The following UNC5B variants were observed in gnomAD, a reference collection of about 807,000 sequenced individuals.
UNC5B encodes the protein netrin receptor UNC5B.
Under a neutral mutation model 103.7 loss-of-function variants are expected in UNC5B, and 56 were observed. The ratio of observed to expected loss-of-function variants is 0.54; its 90% CI spans 0.44 to 0.67. The LOEUF is 0.67. Ranked by LOEUF, UNC5B falls within the 30% of genes least tolerant of loss-of-function variation. UNC5B has a pLI of 0.00. For synonymous variants in UNC5B, 577 were observed against 542.0 expected, an observed-to-expected ratio of 1.06 and a Z score of -0.90; for missense variants, 1,194 against 1,284.5, an observed-to-expected ratio of 0.93 and a Z score of 1.08.
chr10:71,283,257 CT>C, intron 2 of UNC5B, among the ~76,000 whole-genome samples: 1 of 152,344 alleles, frequency 6.6e-6, no homozygotes, highest in South Asian at 2.1e-4. Context: ...GCCTCAGTTT[CT>C]TCAAAGGTAA....
chr10:71,282,315 CAA>C (rs1251122584), intron 2 of UNC5B, among the ~76,000 whole-genome samples: 4 of 152,324 alleles, frequency 2.6e-5, no homozygotes, highest in Admixed American at 2.6e-4. Flanking sequence ...GCAGGCAGCC[CAA>C]CCCTGGGTGT....
intron 1 of UNC5B, among the ~76,000 whole-genome samples, chr10:71,252,698 G>A (rs917974953): frequency 4.6e-5 from 7 of 152,216 alleles, no homozygotes; most frequent in African/African-American, 1.4e-4. Context: ...ACTCAGAGAG[G>A]TGAAGTGATT....
chr10:71,284,054 G>C (rs79599098), intron 2 of UNC5B, among the ~76,000 whole-genome samples: 2 of 152,166 alleles, frequency 1.3e-5, no homozygotes, highest in Non-Finnish European at 2.9e-5. Flanking sequence ...CCAGCTAATG[G>C]TGGGTGCTGG....
chr10:71,281,018 T>C (rs1844912488), intron 2 of UNC5B, among the ~76,000 whole-genome samples: 1 of 152,196 alleles, frequency 6.6e-6, no homozygotes, highest in Non-Finnish European at 1.5e-5. Context: ...TCTCTCTCTT[T>C]TCCCTATGTG....
In UNC5B at chr10:71,272,284, G is replaced by C. The variant is rs981961579; in HGVS notation, c.80-7537G>C. Among the ~76,000 whole-genome samples the C allele has an allele frequency of 8.5e-5, 13 of 152,156 alleles. No homozygotes were observed. In the East Asian group the frequency reaches 2.5e-3, roughly 29 times the overall value. ...GGGCGTTTCTCTGTCCTCACCTCCC[G>C]CCTGACTCCTCCCCTCCCTGTCCTG... On this transcript the variant is annotated intron_variant, in intron 1 of 16. Transcript: ENST00000335350.
At chr10:71,279,521 C>T (rs891555132) in intron 1 of UNC5B, among the ~76,000 whole-genome samples, 9 of 152,198 alleles carry the variant, frequency 5.9e-5, no homozygotes, top group African/African-American at 2.2e-4. Flanking sequence ...CAGATCGCCT[C>T]CCCTCCCGGG....
chr10:71,288,637 G>A lies in UNC5B; in HGVS notation c.971G>A (p.Arg324His), dbSNP rs770434031. The change falls in exon 7 of 17, where the codon CGC (arginine) becomes CAC (histidine). Residue 324 changes from arginine (R) to histidine (H), a missense_variant. Coordinates refer to ENST00000335350, the MANE Select transcript of UNC5B (RefSeq NM_170744.5). ...ACTGAGTGTGCCCACTGGCGTAGCC[G>A]CGAGTGCATGGCGCCCCCACCCCAG... ...CSTECAHWRS[R>H]ECMAPPPQNG... 40 of 1,613,860 alleles carry A rather than the reference G, an allele frequency of 2.5e-5. No homozygotes were observed. Among genetic ancestry groups the A allele is most frequent in the Admixed American group, 2.0e-4 (12 of 60,008 alleles).
At chr10:71,297,115 G>A (rs1845461545) in intron 15 of UNC5B, among the ~76,000 whole-genome samples, 2 of 152,110 alleles carry the variant, frequency 1.3e-5, no homozygotes, top group Admixed American at 6.6e-5. Context: ...TACCTCTAGG[G>A]TTTGGGGCTG....
In UNC5B at chr10:71,213,119, C is replaced by T. The variant is rs1295955384; in HGVS notation, c.79+55C>T. 3 of 1,222,128 alleles carry T rather than the reference C, an allele frequency of 2.5e-6. No homozygotes were observed. In the East Asian group the frequency reaches 9.2e-5, roughly 38 times the overall value. 75.7% of individuals were successfully genotyped at this position (1,222,128 alleles called of 1,614,324 possible). On this transcript the variant is annotated intron_variant, in intron 1 of 16. Transcript: ENST00000335350. The surrounding 1 kb of genome is among the most constrained non-coding windows in gnomAD (Gnocchi z 4.1). ...GGCTAGGGGACCCTTGCGCCTCACT[C>T]TGTCCTGAAGTTGAGGTGGTCTTTC...
intron 13 of UNC5B, 98 bp from the exon 14 acceptor site, chr10:71,295,713 C>T (rs1194718877): frequency 1.4e-6 from 2 of 1,463,222 alleles, no homozygotes; most frequent in Admixed American, 4.1e-5. Flanking sequence ...CAGCCATGCA[C>T]TCAGATGGGC....
rs752695220 is a variant in UNC5B at position 71,291,496 on chromosome 10, C to T, written c.1359C>T (p.Arg453=). 6 of 1,614,122 alleles carry T rather than the reference C, an allele frequency of 3.7e-6. No individual in the cohort carries two copies. Among genetic ancestry groups the T allele is most frequent in the East Asian group, 2.2e-5 (1 of 44,868 alleles). ...PDLTASAGIY[R]GPVYALQDST... is the part of the protein sequence containing the mutation. ...TGACAGCCAGCGCCGGCATCTACCG[C>T]GGACCCGTGTATGCCCTGCAGGACT... The change falls in exon 10 of 17, where the codon CGC becomes CGT. Residue 453 remains arginine, a synonymous_variant. Transcript: ENST00000335350.
At chr10:71,233,022 A>G (rs903463209) in intron 1 of UNC5B, among the ~76,000 whole-genome samples, 1 of 152,250 alleles carries the variant, frequency 6.6e-6, no homozygotes, top group African/African-American at 2.4e-5. Context: ...ACTTGTGGGC[A>G]GGTCGCTGTC....
At chr10:71,252,518 C>T (rs1376550368) in intron 1 of UNC5B, among the ~76,000 whole-genome samples, 1 of 152,212 alleles carries the variant, frequency 6.6e-6, no homozygotes, top group Non-Finnish European at 1.5e-5. Context: ...GGAAAGAAAC[C>T]TGGGCTTGGA....
At chr10:71,285,275 T>C (rs1286652708) in intron 3 of UNC5B, 51 bp from the exon 4 acceptor site, 2 of 1,543,578 alleles carry the variant, frequency 1.3e-6, no homozygotes, top group Non-Finnish European at 1.8e-6. Flanking sequence ...GCACATCAGG[T>C]TCTGATCCTG....
intron 11 of UNC5B, 47 bp downstream of exon 11, chr10:71,292,601 T>C: frequency 6.5e-7 from 1 of 1,534,668 alleles, no homozygotes; most frequent in East Asian, 2.4e-5. Context: ...TCCCATCCCT[T>C]GCTGCCTGCC....
Position 71,237,662 on chromosome 10 carries a change from G to A in UNC5B, c.79+24598G>A, listed in dbSNP as rs528015877. ...GCAGCACCTAGTGTGAAGGAGGTGC[G>A]GTGAAGTCCGTATTGGAAGCCTCCT... On this transcript the variant is annotated intron_variant, in intron 1 of 16. Coordinates refer to ENST00000335350, the MANE Select transcript of UNC5B (RefSeq NM_170744.5). Among the ~76,000 whole-genome samples the A allele has an allele frequency of 2.6e-4, 40 of 152,296 alleles. No homozygotes were observed. In the South Asian group the frequency reaches 6.4e-3, roughly 25 times the overall value.
chr10:71,219,075 G>A lies in UNC5B; in HGVS notation c.79+6011G>A, dbSNP rs370337518. Among the ~76,000 whole-genome samples, 43 of 152,308 alleles carry A rather than the reference G, an allele frequency of 2.8e-4. No homozygotes were observed. In the South Asian group the frequency reaches 4.8e-3, roughly 17 times the overall value. On this transcript the variant is annotated intron_variant, in intron 1 of 16. Transcript: ENST00000335350. ...GGATAAGATGGACTGTTCTGGAGCA[G>A]GGAGGCCTATAGGAAAATCACAGTC...
chr10:71,260,099 G>T (rs1486997761), intron 1 of UNC5B, among the ~76,000 whole-genome samples: 1 of 152,208 alleles, frequency 6.6e-6, no homozygotes, highest in East Asian at 1.9e-4. Context: ...AGGCACTGAT[G>T]CCCTCTCCTT....
rs1845607046 is a variant in UNC5B at position 71,302,698 on chromosome 10, GTGGACATGGTTATA to G, written c.*3424_*3437del. 6.6e-6 allele frequency: 1 copy of G among 152,096 alleles called. No homozygotes were observed. The highest frequency in any genetic ancestry group is 2.4e-5 in the African/African-American group (1 of 41,406). 9.4% of individuals were successfully genotyped at this position (152,096 alleles called of 1,614,324 possible). ...AAAGGGCTGGACCCCTGCCAGGTCT[GTGGACATGGTTATA>G]TGCCCGGGAGAGGGGGGTGCAGGGC... On this transcript the variant is annotated 3_prime_UTR_variant, in exon 17 of 17. Transcript: ENST00000335350.
Sources: allele counts gnomAD v4.1 joint callset (sites outside exome capture counted in the v4.1 genomes callset), GRCh38; gene constraint gnomAD v4.1.1; non-coding constraint Gnocchi (gnomAD v3.1); transcripts MANE v1.5; gene names NCBI Gene and HGNC (gene_info 2026-07-23, HGNC 2026-07-21).